TACR1: variants seen among roughly 807,000 people sequenced by gnomAD.
The protein encoded by TACR1 is tachykinin receptor 1, also known as substance-P receptor.
In TACR1, 25 loss-of-function variants were observed where a neutral mutation model predicts 35.8. The ratio of observed to expected loss-of-function variants is 0.70; its 90% CI spans 0.51 to 0.98. The LOEUF is 0.98. TACR1 is among the 50% of genes least tolerant of loss of function. The probability of loss-of-function intolerance (pLI) is 0.00; values close to 1 mark genes in which losing one functional copy is unlikely to be tolerated. For synonymous variants in TACR1, 195 were observed against 206.7 expected (o/e 0.94, Z 0.48); for missense variants, 478 against 522.9 (o/e 0.91, Z 0.84).
chr2:75,115,893 C>T (rs1177085771), intron 2 of TACR1, among the ~76,000 whole-genome samples: 1 of 104,260 alleles, frequency 9.6e-6, no homozygotes, highest in Non-Finnish European at 1.7e-5. Flanking sequence ...GGCGACAGAG[C>T]GAGACTCCGT....
At chr2:75,099,145 C>T (rs981677120) in intron 2 of TACR1, among the ~76,000 whole-genome samples, 12 of 152,230 alleles carry the variant, frequency 7.9e-5, no homozygotes, top group Non-Finnish European at 1.6e-4. Context: ...AGCTCTGGCT[C>T]GGAGCCTCCC....
chr2:75,166,767 G>C (rs1262792881), intron 1 of TACR1, among the ~76,000 whole-genome samples: 1 of 152,178 alleles, frequency 6.6e-6, no homozygotes, highest in African/African-American at 2.4e-5. Flanking sequence ...TTTGGTTCAG[G>C]TTATCTGAGG....
At chr2:75,054,206 G>T (rs1156735820) in intron 2 of TACR1, among the ~76,000 whole-genome samples, 1 of 152,166 alleles carries the variant, frequency 6.6e-6, no homozygotes, top group Non-Finnish European at 1.5e-5. Flanking sequence ...ATACCCGCCA[G>T]ACTACACTTA....
chr2:75,195,080 GT>G (rs1272494488), intron 1 of TACR1, among the ~76,000 whole-genome samples: 2 of 152,054 alleles, frequency 1.3e-5, no homozygotes, highest in Non-Finnish European at 2.9e-5. Context: ...ACCTCTCTGT[GT>G]CCCCCATCTT....
At chr2:75,176,734 T>C (rs1311844394) in intron 1 of TACR1, among the ~76,000 whole-genome samples, 2 of 152,182 alleles carry the variant, frequency 1.3e-5, no homozygotes, top group Non-Finnish European at 2.9e-5. Flanking sequence ...TCTCAGTGTC[T>C]AATGTCAAGT....
In TACR1 at chr2:75,120,357, A is replaced by G. The variant is rs1217017392; in HGVS notation, c.584+217T>C. Among the ~76,000 whole-genome samples, 7 of 152,194 alleles carry G rather than the reference A, an allele frequency of 4.6e-5. No individual in the cohort carries two copies. In the South Asian group the frequency reaches 8.3e-4, roughly 18 times the overall value. ...AGGATCTAGATCTTACACTTCAAAA[A>G]TTATCTTTCAATGCTCAGAATAGTA... is the stretch of plus-strand genomic sequence containing the variant. On this transcript the variant is annotated intron_variant, in intron 2 of 4. Transcript: ENST00000305249.
chr2:75,180,360 TC>T (rs760926559), intron 1 of TACR1, among the ~76,000 whole-genome samples: 1 of 152,208 alleles, frequency 6.6e-6, no homozygotes, highest in Non-Finnish European at 1.5e-5. Flanking sequence ...ACATTAATGG[TC>T]CCAACTATTT....
chr2:75,111,374 T>C (rs781502903), intron 2 of TACR1, among the ~76,000 whole-genome samples: 36 of 152,140 alleles, frequency 2.4e-4, no homozygotes, highest in Middle Eastern at 3.4e-3. Context: ...CCCCAGAATA[T>C]GTTTTATGGA....
chr2:75,094,859 A>ATATATATTTTTTTTTTTTTTTTT, intron 2 of TACR1, among the ~76,000 whole-genome samples: 12 of 113,104 alleles, frequency 1.1e-4, no homozygotes, highest in African/African-American at 5.3e-4. Flanking sequence ...ATATATATAT[A>ATATATATTTTTTTTTTTTTTTTT]TTTTTTTTTT....
At chr2:75,152,313 T>A (rs1674691493) in intron 1 of TACR1, among the ~76,000 whole-genome samples, 1 of 152,186 alleles carries the variant, frequency 6.6e-6, no homozygotes, top group African/African-American at 2.4e-5. Context: ...TCCCACGTGT[T>A]GTGGGAGGAA....
rs1428398493 is a variant in TACR1 at position 75,198,980 on chromosome 2, T to C, written c.-46A>G. ...CCCTACTATCTGTACACAACCCCCC[T>C]CTGCAGCAGAGTCCTGTGGCTGGCG... On this transcript the variant is annotated 5_prime_UTR_variant, in exon 1 of 5. Coordinates refer to ENST00000305249, the MANE Select transcript of TACR1 (RefSeq NM_001058.4). 6.3e-7 allele frequency: 1 copy of C among 1,586,744 alleles called. No homozygotes were observed. Among genetic ancestry groups the C allele is most frequent in the African/African-American group, 1.3e-5 (1 of 74,580 alleles).
chr2:75,186,224 T>C (rs187582817), intron 1 of TACR1, among the ~76,000 whole-genome samples: 241 of 151,294 alleles, frequency 1.6e-3, no homozygotes, highest in African/African-American at 5.6e-3. Context: ...ATACAAAAAT[T>C]AGCTGGGTTT....
At chr2:75,131,309 C>G (rs904086993) in intron 1 of TACR1, among the ~76,000 whole-genome samples, 2 of 151,940 alleles carry the variant, frequency 1.3e-5, no homozygotes, top group Admixed American at 1.3e-4. Context: ...AGGATGGTCT[C>G]GATCTCCTGA....
chr2:75,093,339 G>A (rs921647654), intron 2 of TACR1, among the ~76,000 whole-genome samples: 1 of 152,026 alleles, frequency 6.6e-6, no homozygotes, highest in Non-Finnish European at 1.5e-5. Context: ...TAGAGGCTGG[G>A]CAATGAAAGG....
Position 75,049,137 on chromosome 2 carries a change from C to T in TACR1, c.*295G>A. 1 of 373,330 alleles carries T rather than the reference C, an allele frequency of 2.7e-6. No individual in the cohort carries two copies. Among genetic ancestry groups the T allele is most frequent in the Non-Finnish European group, 4.8e-6 (1 of 206,378 alleles). 23.1% of individuals were successfully genotyped at this position (373,330 alleles called of 1,614,324 possible). The stretch of plus-strand genomic sequence containing the variant: ...ATGAGCACTCGCATGCAGCCAAAGT[C>T]ACTTCCAGAATGGAATGAATGGGCT... On this transcript the variant is annotated 3_prime_UTR_variant, in exon 5 of 5. Transcript: ENST00000305249.
intron 1 of TACR1, among the ~76,000 whole-genome samples, chr2:75,193,384 C>T (rs1332268663): frequency 1.3e-5 from 2 of 152,238 alleles, no homozygotes; most frequent in Non-Finnish European, 2.9e-5. Flanking sequence ...TTACCATTCT[C>T]TGCTGATATT....
intron 2 of TACR1, among the ~76,000 whole-genome samples, chr2:75,097,275 A>G (rs1673442054): frequency 6.6e-6 from 1 of 152,102 alleles, no homozygotes; most frequent in Non-Finnish European, 1.5e-5. Flanking sequence ...GGTACACAGT[A>G]CTTAAAAAAT....
Position 75,113,870 on chromosome 2 carries a change from C to T in TACR1, c.584+6704G>A, listed in dbSNP as rs867444919. On this transcript the variant is annotated intron_variant, in intron 2 of 4. Coordinates refer to ENST00000305249, the MANE Select transcript of TACR1 (RefSeq NM_001058.4). ...TAAATTTGTAAAATAATCAAGAAGACGGAAAATTTAAGAAGTAGTGCTGTA... is the reference window on the plus strand; with the variant it reads ...TAAATTTGTAAAATAATCAAGAAGATGGAAAATTTAAGAAGTAGTGCTGTA... Among the ~76,000 whole-genome samples the T allele has an allele frequency of 1.2e-4, 18 of 151,994 alleles. No homozygotes were observed. The South Asian group carries it at 2.3e-3, about 19-fold the overall frequency.
rs777435415 is a variant in TACR1 at position 75,120,703 on chromosome 2, C to G, written c.455G>C (p.Cys152Ser). The change falls in exon 2 of 5, where the codon TGT becomes TCT. Residue 152 changes from cysteine to serine, a missense_variant. Coordinates refer to ENST00000305249, the MANE Select transcript of TACR1 (RefSeq NM_001058.4). ...LSATATKVVI[C>S]VIWVLALLLA... Reference sequence around the variant, plus strand: ...CAGGAGAGCCAGGACCCAGATGACACAGATGACCACTTTGGTGGCTGTGGC... The same window carrying G: ...CAGGAGAGCCAGGACCCAGATGACAGAGATGACCACTTTGGTGGCTGTGGC... 6.2e-7 allele frequency: 1 copy of G among 1,614,018 alleles called. No individual in the cohort carries two copies.
Sources: allele counts gnomAD v4.1 joint callset (sites outside exome capture counted in the v4.1 genomes callset), GRCh38; gene constraint gnomAD v4.1.1; transcripts MANE v1.5; gene names NCBI Gene and HGNC (gene_info 2026-07-23, HGNC 2026-07-21).